The following ARHGAP24 variants were observed in gnomAD, a reference collection of about 807,000 sequenced individuals.
ARHGAP24 encodes the protein Rho GTPase activating protein 24, also known as rho GTPase-activating protein 24.
A neutral mutation model predicts 76.4 loss-of-function variants in ARHGAP24; 50 were observed. The observed-to-expected ratio is 0.65, with a 90% confidence interval of 0.52 to 0.83. The LOEUF is 0.83. Among genes scored for constraint, ARHGAP24 ranks in the 40% least tolerant of loss-of-function variants. ARHGAP24 has a pLI of 0.00. For synonymous variants in ARHGAP24, 345 were observed against 323.3 expected, an observed-to-expected ratio of 1.07 and a Z score of -0.72; for missense variants, 930 against 914.2, an observed-to-expected ratio of 1.02 and a Z score of -0.22.
intron 3 of ARHGAP24, among the ~76,000 whole-genome samples, chr4:85,808,124 TTTATTTTTC>T (rs1728869577): frequency 6.6e-6 from 1 of 152,194 alleles, no homozygotes; most frequent in African/African-American, 2.4e-5. Context: ...GCATTCTCAT[TTTATTTTTC>T]TCCCAATTCG....
rs1341751881 is a variant in ARHGAP24, at chr4:86,001,180, T to C, written c.*458T>C. The stretch of plus-strand genomic sequence containing the variant: ...GAGGAAATGAAGATAAGCAAAAATA[T>C]AAATATATATATAAATATATGAGTT... On this transcript the variant is annotated 3_prime_UTR_variant, in exon 10 of 10. Coordinates refer to ENST00000395184, the MANE Select transcript of ARHGAP24 (RefSeq NM_001025616.3). 7 of 394,736 alleles carry C rather than the reference T, an allele frequency of 1.8e-5. No homozygotes were observed. The highest frequency in any genetic ancestry group is 3.1e-5 in the Non-Finnish European group (7 of 224,380). 24.5% of individuals were successfully genotyped at this position (394,736 alleles called of 1,614,324 possible). A position where few individuals can be genotyped will look rare whatever the true frequency, so the allele number is the denominator to read the frequency against.
At chr4:85,814,280 T>C (rs1307804060) in intron 3 of ARHGAP24, among the ~76,000 whole-genome samples, 1 of 152,120 alleles carries the variant, frequency 6.6e-6, no homozygotes, top group Non-Finnish European at 1.5e-5. Flanking sequence ...ATCATGCTTT[T>C]CCAAAAGTCC....
At chr4:85,946,706 C>T (rs1172661090) in intron 5 of ARHGAP24, among the ~76,000 whole-genome samples, 1 of 152,068 alleles carries the variant, frequency 6.6e-6, no homozygotes, top group African/African-American at 2.4e-5. Flanking sequence ...ATATATGTAC[C>T]ACTTTTGCTT....
intron 2 of ARHGAP24, among the ~76,000 whole-genome samples, chr4:85,659,356 G>A (rs1290622037): frequency 1.3e-5 from 2 of 152,154 alleles, no homozygotes; most frequent in Non-Finnish European, 2.9e-5. Context: ...CAAGGCCAAT[G>A]TCAAATATTA....
intron 1 of ARHGAP24, among the ~76,000 whole-genome samples, chr4:85,489,048 A>C (rs1042655737): frequency 6.6e-6 from 1 of 152,188 alleles, no homozygotes; most frequent in Admixed American, 6.5e-5. Flanking sequence ...TTTAAAGTAA[A>C]TTGAATATTC....
intron 2 of ARHGAP24, 71 bp downstream of exon 2, chr4:85,570,792 G>A (rs751660499): frequency 2.0e-4 from 306 of 1,549,120 alleles, no homozygotes; most frequent in Non-Finnish European, 2.6e-4. Context: ...GCTAGAAACC[G>A]ATTGGGACTG....
chr4:85,668,837 G>C (rs1490397352), intron 2 of ARHGAP24, among the ~76,000 whole-genome samples: 1 of 152,184 alleles, frequency 6.6e-6, no homozygotes, highest in Non-Finnish European at 1.5e-5. Flanking sequence ...GTACTTTAGA[G>C]GGATTTCTCT....
intron 2 of ARHGAP24, among the ~76,000 whole-genome samples, chr4:85,574,990 C>T (rs1727313337): frequency 6.6e-6 from 1 of 152,222 alleles, no homozygotes; most frequent in Admixed American, 6.5e-5. Context: ...TCTCAGCTCT[C>T]TGGAGACAGT....
intron 3 of ARHGAP24, among the ~76,000 whole-genome samples, chr4:85,902,760 C>T (rs1191855877): frequency 6.6e-6 from 1 of 152,140 alleles, no homozygotes; most frequent in Non-Finnish European, 1.5e-5. Flanking sequence ...CCCGCCACTG[C>T]GCTCATCTAA....
intron 3 of ARHGAP24, among the ~76,000 whole-genome samples, chr4:85,910,007 C>T (rs911723229): frequency 1.3e-5 from 2 of 152,132 alleles, no homozygotes; most frequent in African/African-American, 2.4e-5. Flanking sequence ...GAGAGTCAGG[C>T]ATGGAGTGTG....
chr4:85,699,578 G>C (rs760948029), intron 2 of ARHGAP24, among the ~76,000 whole-genome samples: 4 of 151,946 alleles, frequency 2.6e-5, no homozygotes, highest in African/African-American at 2.4e-5. Flanking sequence ...CTCCAGCCTG[G>C]GCAACAGAGC....
At chr4:85,665,674 A>T (rs1722586294) in intron 2 of ARHGAP24, among the ~76,000 whole-genome samples, 1 of 152,062 alleles carries the variant, frequency 6.6e-6, no homozygotes, top group Non-Finnish European at 1.5e-5. Flanking sequence ...TTCCATGTTT[A>T]GTGCTTCCTT....
At chr4:85,895,041 T>G (rs1007107064) in intron 3 of ARHGAP24, among the ~76,000 whole-genome samples, 4 of 137,656 alleles carry the variant, frequency 2.9e-5, no homozygotes, top group African/African-American at 2.7e-5. Flanking sequence ...AGCAGGATTT[T>G]GGGGACTCAC....
At chr4:85,828,017 C>A in intron 3 of ARHGAP24, 6 of 1,249,004 alleles carry the variant, frequency 4.8e-6, no homozygotes, top group Non-Finnish European at 6.3e-6. Context: ...AGACAAATTG[C>A]CAGGTATTGT....
intron 1 of ARHGAP24, among the ~76,000 whole-genome samples, chr4:85,535,814 T>A (rs1220111619): frequency 6.6e-6 from 1 of 152,212 alleles, no homozygotes; most frequent in African/African-American, 2.4e-5. Context: ...GGCTTTATTT[T>A]CTTCACTATT....
intron 5 of ARHGAP24, among the ~76,000 whole-genome samples, chr4:85,946,081 A>G (rs972511723): frequency 2.4e-4 from 37 of 151,776 alleles, no homozygotes; most frequent in Non-Finnish European, 5.0e-4. Flanking sequence ...TGCAGGGAAA[A>G]CTCTTGCTTT....
At chr4:85,859,244 AG>A (rs1299516537) in intron 3 of ARHGAP24, among the ~76,000 whole-genome samples, 37 of 94,994 alleles carry the variant, frequency 3.9e-4, no homozygotes, top group African/African-American at 1.4e-3. Context: ...CACACACACA[AG>A]ATGTGCTTGG....
chr4:85,824,534 T>A (rs575423834), intron 3 of ARHGAP24, among the ~76,000 whole-genome samples: 2 of 152,330 alleles, frequency 1.3e-5, no homozygotes, highest in South Asian at 2.1e-4. Context: ...CAAGGTAGCA[T>A]GAACCAAATA....
At chr4:85,930,950 C>T in intron 4 of ARHGAP24, 1 of 1,614,012 alleles carries the variant, frequency 6.2e-7, no homozygotes, top group Non-Finnish European at 8.5e-7. Context: ...GACCGGAATT[C>T]TGGGGGGTGC....
Sources: gnomAD v4.1 joint callset for allele counts (sites outside exome capture counted in the v4.1 genomes callset) on GRCh38, gnomAD v4.1.1 for gene constraint, MANE v1.5 for transcripts, NCBI Gene and HGNC (gene_info 2026-07-23, HGNC 2026-07-21) for gene names.